Variants in SLC16A12 observed in about 807,000 individuals in gnomAD.
The protein encoded by SLC16A12 is solute carrier family 16 member 12.
In SLC16A12, 17 loss-of-function variants were observed where a neutral mutation model predicts 42.4. The ratio of observed to expected loss-of-function variants is 0.40; its 90% CI spans 0.27 to 0.60. The LOEUF (loss-of-function observed/expected upper bound fraction) is 0.60. Ranked by LOEUF, SLC16A12 falls within the 20% of genes least tolerant of loss-of-function variation. The pLI, the probability that SLC16A12 is intolerant of heterozygous loss-of-function variation, is 0.42. For synonymous variants in SLC16A12, 224 were observed against 229.4 expected (o/e 0.98, Z 0.21); for missense variants, 544 against 623.0 (o/e 0.87, Z 1.35).
chr10:89,445,271 G>A (rs1841981378), intron 3 of SLC16A12, among the ~76,000 whole-genome samples: 1 of 152,250 alleles, frequency 6.6e-6, no homozygotes, highest in South Asian at 2.1e-4. Flanking sequence ...TGGACAGACT[G>A]CCTCCTCAAG....
chr10:89,455,750 G>T (rs1322153328), intron 3 of SLC16A12, among the ~76,000 whole-genome samples: 2 of 152,160 alleles, frequency 1.3e-5, no homozygotes, highest in Admixed American at 6.5e-5. Flanking sequence ...CCTGATCCCT[G>T]GTTCTCACCC....
intron 3 of SLC16A12, among the ~76,000 whole-genome samples, chr10:89,460,957 T>C (rs1020965298): frequency 2.0e-5 from 3 of 152,166 alleles, no homozygotes; most frequent in African/African-American, 7.2e-5. Context: ...AAGATAAACA[T>C]CTTATTCTAT....
rs1343052870 is a variant in SLC16A12 at position 89,431,438 on chromosome 10, CA to C, written c.*1625del. ...ATATTACCATTTTCTCCTATCAGAT[CA>C]AGTCAGTATTTCATTCTGAAAGCAA... On this transcript the variant is annotated 3_prime_UTR_variant, in exon 8 of 8. Transcript: ENST00000371790. 6.6e-6 allele frequency: 1 copy of C among 152,230 alleles called. No individual in the cohort carries two copies. The highest frequency in any genetic ancestry group is 1.5e-5 in the Non-Finnish European group (1 of 68,048). 9.4% of individuals were successfully genotyped at this position (152,230 alleles called of 1,614,324 possible).
intron 1 of SLC16A12, among the ~76,000 whole-genome samples, chr10:89,556,264 G>A (rs1843815347): frequency 6.6e-6 from 1 of 152,110 alleles, no homozygotes; most frequent in African/African-American, 2.4e-5. Flanking sequence ...CAGCTAGTAG[G>A]TGAGGGAACT....
At position 89,436,715 on chromosome 10, in the gene SLC16A12, T is replaced by C. The variant is rs188941387; in HGVS notation, c.1029-396A>G. ...AATCTTTTGGCTTCCCTGGGCCACA[T>C]TGGAAGAAGAAGAATTGTCTTGGGC... On this transcript the variant is annotated intron_variant, in intron 6 of 7. Transcript: ENST00000371790. Among the ~76,000 whole-genome samples the C allele has an allele frequency of 1.7e-4, 25 of 150,870 alleles. No homozygotes were observed. The East Asian group carries it at 3.5e-3, about 21-fold the overall frequency.
chr10:89,450,970 T>C (rs1350693068), intron 3 of SLC16A12, among the ~76,000 whole-genome samples: 1 of 152,080 alleles, frequency 6.6e-6, no homozygotes, highest in African/African-American at 2.4e-5. Flanking sequence ...TATTGAAAAA[T>C]AGTTAATTAC....
chr10:89,542,137 C>T (rs897806283), intron 2 of SLC16A12, among the ~76,000 whole-genome samples: 2 of 151,832 alleles, frequency 1.3e-5, no homozygotes, highest in African/African-American at 4.8e-5. Flanking sequence ...ATTCATGAAG[C>T]TCTGTGAAGG....
chr10:89,519,262 A>C (rs754907896), intron 2 of SLC16A12, among the ~76,000 whole-genome samples: 4 of 145,798 alleles, frequency 2.7e-5, no homozygotes, highest in Non-Finnish European at 6.0e-5. Context: ...AAAACTACGC[A>C]TCGGGTACTA....
At chr10:89,467,071 T>C (rs938517791) in intron 2 of SLC16A12, among the ~76,000 whole-genome samples, 1 of 152,232 alleles carries the variant, frequency 6.6e-6, no homozygotes, top group Non-Finnish European at 1.5e-5. Flanking sequence ...CAATCAGTTG[T>C]ACCAGTAAAA....
At chr10:89,458,778 A>T (rs199556905) in intron 3 of SLC16A12, among the ~76,000 whole-genome samples, 1 of 152,244 alleles carries the variant, frequency 6.6e-6, no homozygotes, top group Admixed American at 6.5e-5. Flanking sequence ...CTTAAAATAC[A>T]TCCAATCATG....
intron 2 of SLC16A12, among the ~76,000 whole-genome samples, chr10:89,474,587 G>A (rs139172595): frequency 1.3e-5 from 2 of 152,168 alleles, no homozygotes; most frequent in South Asian, 2.1e-4. Context: ...ACTAGAAAAC[G>A]AACAGTATTT....
At chr10:89,474,460 A>C (rs1842546120) in intron 2 of SLC16A12, among the ~76,000 whole-genome samples, 2 of 152,254 alleles carry the variant, frequency 1.3e-5, no homozygotes, top group South Asian at 4.1e-4. Context: ...AAGAAATAAA[A>C]GTGTAAATAA....
intron 2 of SLC16A12, among the ~76,000 whole-genome samples, chr10:89,468,462 T>C (rs1369800166): frequency 6.6e-6 from 1 of 152,222 alleles, no homozygotes; most frequent in Non-Finnish European, 1.5e-5. Context: ...CTTTGGATGA[T>C]GCACTTGTCC....
chr10:89,498,954 C>A (rs913145101), intron 2 of SLC16A12, among the ~76,000 whole-genome samples: 1 of 152,124 alleles, frequency 6.6e-6, no homozygotes, highest in African/African-American at 2.4e-5. Context: ...AACGGAACAC[C>A]CCATGGGGCA....
At chr10:89,513,930 T>C (rs896363308) in intron 2 of SLC16A12, among the ~76,000 whole-genome samples, 1 of 152,200 alleles carries the variant, frequency 6.6e-6, no homozygotes, top group Non-Finnish European at 1.5e-5. Context: ...GTGATATCCC[T>C]GTGAGACCTC....
chr10:89,531,572 AGAG>A (rs1193294035), intron 2 of SLC16A12, among the ~76,000 whole-genome samples: 2 of 152,208 alleles, frequency 1.3e-5, no homozygotes, highest in Non-Finnish European at 1.5e-5. Flanking sequence ...GATGTGGTTC[AGAG>A]GAGGAGAGCA....
rs539663972 is a variant in SLC16A12 at position 89,434,908 on chromosome 10, A to G, written c.1288+1152T>C. Among the ~76,000 whole-genome samples, 6 of 152,358 alleles carry G rather than the reference A, an allele frequency of 3.9e-5. No individual in the cohort carries two copies. The East Asian group carries it at 1.2e-3, about 29-fold the overall frequency. ...TGTCAAGGAATCTGCATTTTTAACA[A>G]GGTCCCTAGGAGACTCTGATGCAGG... On this transcript the variant is annotated intron_variant, in intron 7 of 7. Coordinates refer to ENST00000371790, the MANE Select transcript of SLC16A12 (RefSeq NM_213606.4).
intron 6 of SLC16A12, among the ~76,000 whole-genome samples, chr10:89,437,492 G>T (rs959114484): frequency 2.6e-5 from 4 of 151,934 alleles, no homozygotes; most frequent in African/African-American, 7.3e-5. Context: ...AGGTCACAGG[G>T]TTAATAAGGA....
At chr10:89,487,976 A>ATG (rs1564586537) in intron 2 of SLC16A12, among the ~76,000 whole-genome samples, 1 of 134,266 alleles carries the variant, frequency 7.4e-6, no homozygotes, top group Admixed American at 7.9e-5. Context: ...ATATATATAT[A>ATG]TATATATATA....
Sources: allele counts gnomAD v4.1 joint callset (sites outside exome capture counted in the v4.1 genomes callset), GRCh38; gene constraint gnomAD v4.1.1; transcripts MANE v1.5; gene names NCBI Gene and HGNC (gene_info 2026-07-23, HGNC 2026-07-21).